The following FGD4 variants were observed in gnomAD, a reference collection of about 807,000 sequenced individuals.
FGD4 encodes FYVE, RhoGEF and PH domain containing 4, also known as FYVE, RhoGEF and PH domain-containing protein 4.
In FGD4, 42 loss-of-function variants were observed where a neutral mutation model predicts 102.0. That is an observed-to-expected ratio of 0.41 (90% CI 0.32 to 0.53). FGD4 has a LOEUF of 0.53. FGD4 is among the 20% of genes least tolerant of loss of function. The pLI is 0.21. For missense variants in FGD4, 902 were observed against 1,078.2 expected (o/e 0.84, Z 2.29); for synonymous variants, 380 against 375.7 (o/e 1.01, Z -0.13).
chr12:32,537,034 G>A (rs1473157472), intron 1 of FGD4, among the ~76,000 whole-genome samples: 1 of 150,962 alleles, frequency 6.6e-6, no homozygotes, highest in Middle Eastern at 3.4e-3. Flanking sequence ...TCAGCCTCCC[G>A]AGTAGCTGGG....
chr12:32,571,083 G>C (rs1221018151), intron 2 of FGD4, among the ~76,000 whole-genome samples: 1 of 152,200 alleles, frequency 6.6e-6, no homozygotes, highest in Non-Finnish European at 1.5e-5. Flanking sequence ...CAAAGTAGCT[G>C]TGTGTTACTT....
chr12:32,607,974 G>A lies in FGD4; in HGVS notation c.1422G>A (p.Gly474=), dbSNP rs141028074. 3 of 1,614,106 alleles carry A rather than the reference G, an allele frequency of 1.9e-6. No individual in the cohort carries two copies. In the African/African-American group the frequency reaches 4.0e-5, roughly 22 times the overall value. ...CATTACAGAAACAGAAAATCTGTGG[G>A]AGCTTAACTTTGCAGCATCACATGC... ...VEEIQKQKIC[G]SLTLQHHMLE... Residue 474 remains glycine (G), a synonymous_variant, in exon 8 of 17, where the codon GGG becomes GGA. Coordinates refer to ENST00000534526, the MANE Select transcript of FGD4 (RefSeq NM_001370298.3).
intron 1 of FGD4, among the ~76,000 whole-genome samples, chr12:32,407,802 C>G (rs1352803351): frequency 2.6e-5 from 4 of 152,092 alleles, no homozygotes; most frequent in Non-Finnish European, 1.5e-5. Flanking sequence ...CCTGTCACTT[C>G]AGACTTGGTT....
At chr12:32,427,925 C>G (rs889115173) in intron 1 of FGD4, among the ~76,000 whole-genome samples, 2 of 152,166 alleles carry the variant, frequency 1.3e-5, no homozygotes, top group South Asian at 4.2e-4. Context: ...ATAAATATTC[C>G]TGCATCCCTT....
chr12:32,564,355 A>G, intron 2 of FGD4, 66 bp downstream of exon 2: 1 of 1,490,706 alleles, frequency 6.7e-7, no homozygotes, highest in African/African-American at 1.4e-5. Context: ...TAACCAGAAA[A>G]ATGATGGCCA....
chr12:32,536,958 C>G (rs1942327776), intron 1 of FGD4, among the ~76,000 whole-genome samples: 1 of 149,662 alleles, frequency 6.7e-6, no homozygotes, highest in African/African-American at 2.5e-5. Flanking sequence ...GAGTCTCGCT[C>G]TGTCACCCAG....
intron 4 of FGD4, among the ~76,000 whole-genome samples, chr12:32,590,817 G>A (rs1947413545): frequency 6.6e-6 from 1 of 152,210 alleles, no homozygotes; most frequent in African/African-American, 2.4e-5. Flanking sequence ...TCTCTCACTT[G>A]TGATAGCTTC....
chr12:32,509,918 C>T (rs1252499182), intron 1 of FGD4, among the ~76,000 whole-genome samples: 3 of 152,192 alleles, frequency 2.0e-5, no homozygotes, highest in Non-Finnish European at 4.4e-5. Flanking sequence ...AGATTATACC[C>T]TTTCCAGTGC....
rs531075888 is a variant in FGD4, at chr12:32,637,144, C to T, written c.2314-1511C>T. Among the ~76,000 whole-genome samples the T allele has an allele frequency of 4.2e-3, 627 of 150,334 alleles. 9 individuals are homozygous for T. The highest frequency in any genetic ancestry group is 0.014 in the African/African-American group (592 of 40,960). On this transcript the variant is annotated intron_variant, in intron 15 of 16. Coordinates refer to ENST00000534526, the MANE Select transcript of FGD4 (RefSeq NM_001370298.3). ...CCTCAAGTGATCTACCTGCCTCTGC[C>T]TCCCAAAGTGCGGGGATTACACGTG... is the stretch of plus-strand genomic sequence containing the variant.
chr12:32,633,953 G>T (rs946670965), intron 15 of FGD4, among the ~76,000 whole-genome samples: 4 of 152,220 alleles, frequency 2.6e-5, no homozygotes, highest in Admixed American at 1.3e-4. Context: ...AAAGTGCTGG[G>T]ATTACAGGCA....
At chr12:32,581,865 A>G (rs2136430746) in intron 3 of FGD4, 95 bp from the exon 4 acceptor site, 1 of 1,364,344 alleles carries the variant, frequency 7.3e-7, no homozygotes, top group East Asian at 2.3e-5. Flanking sequence ...AAAAAAAAGT[A>G]GCGAATATCC....
At chr12:32,483,487 A>G (rs1019518865) in intron 1 of FGD4, among the ~76,000 whole-genome samples, 5 of 152,196 alleles carry the variant, frequency 3.3e-5, no homozygotes, top group African/African-American at 9.7e-5. Flanking sequence ...AATATTCCAT[A>G]TAACTTTTCT....
intron 1 of FGD4, among the ~76,000 whole-genome samples, chr12:32,520,727 C>A (rs1315429958): frequency 6.6e-6 from 1 of 152,048 alleles, no homozygotes; most frequent in East Asian, 1.9e-4. Flanking sequence ...TGAGCCACCG[C>A]GCCTGGCCTA....
intron 1 of FGD4, among the ~76,000 whole-genome samples, chr12:32,541,811 A>G (rs1013599843): frequency 7.2e-5 from 11 of 152,160 alleles, no homozygotes; most frequent in Non-Finnish European, 1.5e-4. Context: ...TTTGATCTAT[A>G]TCTATGCCTA....
chr12:32,598,672 T>C (rs758033748), intron 5 of FGD4, 86 bp downstream of exon 5: 39 of 1,138,282 alleles, frequency 3.4e-5, no homozygotes, highest in Non-Finnish European at 5.0e-5. Flanking sequence ...AGAAACTGCA[T>C]GAAGGAAGGG....
At chr12:32,500,208 C>G (rs891489322) in intron 1 of FGD4, among the ~76,000 whole-genome samples, 6 of 151,918 alleles carry the variant, frequency 3.9e-5, no homozygotes, top group African/African-American at 1.2e-4. Flanking sequence ...AGTTCTGAAT[C>G]TCAGCTCTAT....
intron 11 of FGD4, among the ~76,000 whole-genome samples, chr12:32,622,618 G>A (rs1352429199): frequency 6.6e-6 from 1 of 152,100 alleles, no homozygotes; most frequent in East Asian, 1.9e-4. Context: ...TTGAGGCAGA[G>A]TTTTGCTCTT....
At chr12:32,590,637 A>C (rs999625421) in intron 4 of FGD4, among the ~76,000 whole-genome samples, 2 of 152,174 alleles carry the variant, frequency 1.3e-5, no homozygotes, top group Non-Finnish European at 2.9e-5. Flanking sequence ...TAGCTGTATG[A>C]CTTTGGGCAA....
chr12:32,594,887 T>C (rs528205457), intron 4 of FGD4, among the ~76,000 whole-genome samples: 1 of 152,096 alleles, frequency 6.6e-6, no homozygotes, highest in South Asian at 2.1e-4. Context: ...AAAAATTAGC[T>C]GGGCATGGTG....
Sources: allele counts gnomAD v4.1 joint callset (sites outside exome capture counted in the v4.1 genomes callset), GRCh38; gene constraint gnomAD v4.1.1; transcripts MANE v1.5; gene names NCBI Gene and HGNC (gene_info 2026-07-23, HGNC 2026-07-21).